Variants in EBF2 observed in about 807,000 individuals in gnomAD.
EBF2 encodes EBF transcription factor 2.
Under a neutral mutation model 72.8 loss-of-function variants are expected in EBF2, and 21 were observed. The ratio of observed to expected loss-of-function variants is 0.29; its 90% CI spans 0.20 to 0.42. The LOEUF is 0.42. Ranked by LOEUF, EBF2 falls within the 10% of genes least tolerant of loss-of-function variation. The pLI is 1.00. For missense variants in EBF2, 637 were observed against 731.2 expected (o/e 0.87, Z 1.49); for synonymous variants, 299 against 274.2 (o/e 1.09, Z -0.89).
intron 6 of EBF2, among the ~76,000 whole-genome samples, chr8:26,023,159 G>GAAGA (rs1235523739): frequency 2.8e-4 from 42 of 152,282 alleles, no homozygotes; most frequent in African/African-American, 9.9e-4. Flanking sequence ...TCCAATAGAA[G>GAAGA]AAGATAATAA....
chr8:25,881,767 C>T (rs1802608997), intron 10 of EBF2, among the ~76,000 whole-genome samples: 1 of 152,176 alleles, frequency 6.6e-6, no homozygotes, highest in African/African-American at 2.4e-5. Flanking sequence ...ACCCCGAGAC[C>T]CTGGAAGGCA....
At chr8:25,961,918 T>C (rs915349379) in intron 6 of EBF2, among the ~76,000 whole-genome samples, 1 of 152,206 alleles carries the variant, frequency 6.6e-6, no homozygotes, top group Non-Finnish European at 1.5e-5. Context: ...TTTCTGGAGA[T>C]TACAGCTTCT....
intron 6 of EBF2, among the ~76,000 whole-genome samples, chr8:25,937,580 C>A (rs1052240919): frequency 1.3e-5 from 2 of 152,138 alleles, no homozygotes; most frequent in Non-Finnish European, 2.9e-5. Context: ...GGAGAGGGTA[C>A]TGTACACGTT....
chr8:25,929,576 T>C (rs986221732), intron 6 of EBF2, among the ~76,000 whole-genome samples: 1 of 152,154 alleles, frequency 6.6e-6, no homozygotes, highest in African/African-American at 2.4e-5. Context: ...ACTTTTGAAA[T>C]CTTCCTTAAT....
At chr8:25,916,881 T>G (rs1260849717) in intron 6 of EBF2, among the ~76,000 whole-genome samples, 1 of 152,090 alleles carries the variant, frequency 6.6e-6, no homozygotes, top group East Asian at 1.9e-4. Flanking sequence ...TGGCAAGAGC[T>G]CCTTCATCAC....
chr8:25,979,600 G>T (rs1017393798), intron 6 of EBF2, among the ~76,000 whole-genome samples: 4 of 152,184 alleles, frequency 2.6e-5, no homozygotes, highest in African/African-American at 9.7e-5. Flanking sequence ...CTTGATCTGG[G>T]ACTTAATGCC....
intron 6 of EBF2, among the ~76,000 whole-genome samples, chr8:25,989,550 T>C (rs573602714): frequency 2.6e-5 from 4 of 152,340 alleles, no homozygotes; most frequent in Middle Eastern, 3.4e-3. Flanking sequence ...ACTATAGACA[T>C]TTTACATTTG....
chr8:26,032,892 A>C (rs919565347), intron 6 of EBF2, 193 bp downstream of exon 6: 4 of 582,752 alleles, frequency 6.9e-6, no homozygotes, highest in Non-Finnish European at 1.2e-5. Flanking sequence ...AGATTTAGAG[A>C]CACGTGTTCC....
intron 10 of EBF2, among the ~76,000 whole-genome samples, chr8:25,881,218 T>C (rs879360429): frequency 6.6e-6 from 1 of 152,158 alleles, no homozygotes; most frequent in African/African-American, 2.4e-5. Flanking sequence ...AAGCTTCCCA[T>C]GGCGCTTGAG....
At chr8:25,898,850 T>A (rs147262294) in intron 7 of EBF2, among the ~76,000 whole-genome samples, 111 of 152,224 alleles carry the variant, frequency 7.3e-4, no homozygotes, top group African/African-American at 2.6e-3. Context: ...TAAGAACACT[T>A]TGCTTTCCAG....
chr8:26,044,946 T>A lies in EBF2; in HGVS notation c.-87A>T. 1 of 1,455,982 alleles carries A rather than the reference T, an allele frequency of 6.9e-7. No homozygotes were observed. Among genetic ancestry groups the A allele is most frequent in the Non-Finnish European group, 9.3e-7 (1 of 1,071,050 alleles). 90.2% of individuals were successfully genotyped at this position (1,455,982 alleles called of 1,614,324 possible). Reference sequence around the variant, plus strand: ...TTCCCAACGTTGCCAGCAAATCGTCTCCTCCAAAGCAATCCAAGAAAAGGG... The same window carrying A: ...TTCCCAACGTTGCCAGCAAATCGTCACCTCCAAAGCAATCCAAGAAAAGGG... On this transcript the variant is annotated 5_prime_UTR_variant, in exon 1 of 16. Coordinates refer to ENST00000520164, the MANE Select transcript of EBF2 (RefSeq NM_022659.4). This position sits in a 1 kb window ranked among gnomAD's most constrained non-coding sequence, Gnocchi z 4.1.
At chr8:25,904,564 T>A (rs1803006460) in intron 7 of EBF2, among the ~76,000 whole-genome samples, 1 of 152,174 alleles carries the variant, frequency 6.6e-6, no homozygotes, top group Non-Finnish European at 1.5e-5. Flanking sequence ...TTTGATCATA[T>A]CACAAAAGTA....
intron 6 of EBF2, among the ~76,000 whole-genome samples, chr8:26,019,360 T>C (rs1805168527): frequency 6.6e-6 from 1 of 151,890 alleles, no homozygotes; most frequent in Admixed American, 6.6e-5. Flanking sequence ...TCAATGTTAG[T>C]TTTCTACCAG....
intron 6 of EBF2, among the ~76,000 whole-genome samples, chr8:25,984,416 T>C (rs1011613925): frequency 6.6e-6 from 1 of 152,160 alleles, no homozygotes; most frequent in African/African-American, 2.4e-5. Flanking sequence ...GCGCGGTGGC[T>C]CACGCCTGTA....
intron 5 of EBF2, among the ~76,000 whole-genome samples, chr8:26,037,568 T>G (rs1288155874): frequency 6.6e-6 from 1 of 152,202 alleles, no homozygotes; most frequent in Non-Finnish European, 1.5e-5. Context: ...ATTAGGGCCC[T>G]GTCTAGCCTG....
chr8:25,947,908 G>A (rs1803798511), intron 6 of EBF2, among the ~76,000 whole-genome samples: 1 of 152,170 alleles, frequency 6.6e-6, no homozygotes, highest in Non-Finnish European at 1.5e-5. Flanking sequence ...CTTCTGTTTT[G>A]TCATTTTTGG....
intron 6 of EBF2, 93 bp downstream of exon 6, chr8:26,032,992 C>A: frequency 8.0e-7 from 1 of 1,244,032 alleles, no homozygotes; most frequent in Non-Finnish European, 1.2e-6. Flanking sequence ...ATGAAACCAA[C>A]TTGACAGCAA....
chr8:25,932,379 TAA>T lies in EBF2; in HGVS notation c.552-23826_552-23825del, dbSNP rs10712503. On this transcript the variant is annotated intron_variant, in intron 6 of 15. Coordinates refer to ENST00000520164, the MANE Select transcript of EBF2 (RefSeq NM_022659.4). Reference sequence around the variant, plus strand: ...TGTTCCTCATCAAAAGTCTCTTGATTAAAAAAAAAAAAAAGAACGGGCAGCGT... The same window carrying T: ...TGTTCCTCATCAAAAGTCTCTTGATTAAAAAAAAAAAAGAACGGGCAGCGT... 3.6e-3 allele frequency among the ~76,000 whole-genome samples: 519 copies of T among 145,636 alleles called. 1 individual carries two copies. The highest frequency in any genetic ancestry group is 5.9e-3 in the Admixed American group (87 of 14,686).
At chr8:26,005,579 G>GAGAGA (rs71216409) in intron 6 of EBF2, among the ~76,000 whole-genome samples, 1 of 63,810 alleles carries the variant, frequency 1.6e-5, no homozygotes, top group Non-Finnish European at 2.9e-5. Context: ...GAGAGAGAGA[G>GAGAGA]GTATTTTGGG....
Sources: gnomAD v4.1 joint callset for allele counts (sites outside exome capture counted in the v4.1 genomes callset) on GRCh38, gnomAD v4.1.1 for gene constraint, Gnocchi (gnomAD v3.1) non-coding constraint, MANE v1.5 for transcripts, NCBI Gene and HGNC (gene_info 2026-07-23, HGNC 2026-07-21) for gene names.